The following CDH23 variants were observed in gnomAD, a reference collection of about 807,000 sequenced individuals.
CDH23 encodes the protein cadherin-23.
A neutral mutation model predicts 317.1 loss-of-function variants in CDH23; 189 were observed. The ratio of observed to expected loss-of-function variants is 0.60; its 90% CI spans 0.53 to 0.67. CDH23 has a LOEUF of 0.67. Ranked by LOEUF, CDH23 falls within the 30% of genes least tolerant of loss-of-function variation. The pLI, the probability that CDH23 is intolerant of heterozygous loss-of-function variation, is 0.00. For synonymous variants in CDH23, 1,839 were observed against 1,876.8 expected (o/e 0.98, Z 0.52); for missense variants, 4,401 against 4,592.4 (o/e 0.96, Z 1.20).
intron 60 of CDH23, among the ~76,000 whole-genome samples, chr10:71,809,305 A>C (rs534111615): frequency 4.0e-4 from 61 of 150,620 alleles, no homozygotes; most frequent in Non-Finnish European, 7.2e-4. Flanking sequence ...CAGCCTGCCA[A>C]GTAGCTGGGA....
chr10:71,416,293 G>A (rs148285384), intron 1 of CDH23, among the ~76,000 whole-genome samples: 8 of 152,254 alleles, frequency 5.3e-5, no homozygotes, highest in Middle Eastern at 6.8e-3. Context: ...CTGAAGTGCT[G>A]GGATTACAGG....
intron 21 of CDH23, 44 bp downstream of exon 21, chr10:71,694,303 C>A: frequency 6.9e-7 from 1 of 1,454,290 alleles, no homozygotes; most frequent in South Asian, 1.2e-5. Flanking sequence ...CCTCGCCGGC[C>A]AGGCTGCTGC....
chr10:71,522,096 T>A (rs111701318), intron 6 of CDH23, among the ~76,000 whole-genome samples: 33 of 151,036 alleles, frequency 2.2e-4, no homozygotes, highest in African/African-American at 6.6e-4. Flanking sequence ...TCCTAGAGTA[T>A]TTTTTCTGGT....
In CDH23 at chr10:71,798,388, C is replaced by T. The variant is rs1589427899; in HGVS notation, c.6864C>T (p.Asp2288=). The T allele has an allele frequency of 6.2e-7, 1 of 1,613,956 alleles. No homozygotes were observed. The highest frequency in any genetic ancestry group is 8.5e-7 in the Non-Finnish European group (1 of 1,179,840). The part of the protein sequence containing the change: ...KLTVNVLDVN[D]NTPQFKPFGI... ...CTGTCAACGTCCTGGACGTCAATGA[C>T]AATACGCCCCAGTTCAAGCCCTTTG... Residue 2288 remains aspartate, a synonymous_variant, in exon 50 of 70, where the codon GAC becomes GAT. Transcript: ENST00000224721.
intron 3 of CDH23, among the ~76,000 whole-genome samples, chr10:71,460,782 G>A (rs367708378): frequency 2.0e-5 from 3 of 152,332 alleles, no homozygotes; most frequent in African/African-American, 4.8e-5. Context: ...GCTCCTGAAT[G>A]TGGAGTTGGG....
At chr10:71,799,395 C>T (rs1019890986) in intron 51 of CDH23, 97 bp from the exon 52 acceptor site, 41 of 1,602,248 alleles carry the variant, frequency 2.6e-5, no homozygotes, top group Middle Eastern at 1.7e-4. Context: ...GCCCAGCCCA[C>T]GAGCAGCTTG....
At chr10:71,632,438 A>G (rs750622275) in intron 11 of CDH23, among the ~76,000 whole-genome samples, 10 of 152,206 alleles carry the variant, frequency 6.6e-5, no homozygotes, top group Admixed American at 1.3e-4. Flanking sequence ...AGGTTGATTA[A>G]TCTAGACACA....
At chr10:71,489,932 C>CT (rs971351286) in intron 3 of CDH23, among the ~76,000 whole-genome samples, 94 of 151,666 alleles carry the variant, frequency 6.2e-4, no homozygotes, top group African/African-American at 2.0e-3. Context: ...TCTTTTCTTT[C>CT]TTTTTTTTAA....
intron 2 of CDH23, 141 bp downstream of exon 2, chr10:71,440,039 T>C: frequency 2.9e-6 from 2 of 679,150 alleles, no homozygotes; most frequent in East Asian, 5.6e-5. Context: ...AGGCACATAC[T>C]TCCCTCTCTG....
intron 68 of CDH23, 137 bp from the exon 69 acceptor site, chr10:71,813,107 A>G: frequency 9.0e-7 from 1 of 1,112,496 alleles, no homozygotes; most frequent in Non-Finnish European, 1.3e-6. Context: ...CACTGTCTCC[A>G]GGCTCTGCCG....
rs542503040 is a variant in CDH23, at chr10:71,779,744, C to T, written c.5368+297C>T. 5.3e-5 allele frequency among the ~76,000 whole-genome samples: 8 copies of T among 152,288 alleles called. No homozygotes were observed. In the South Asian group the frequency reaches 1.7e-3, roughly 32 times the overall value. ...CCTGTTGCATACCCAGAGGAAGGGC[C>T]CCAGGGCAGACGAGGGAAGCACATC... On this transcript the variant is annotated intron_variant, in intron 41 of 69. Transcript: ENST00000224721.
Position 71,702,136 on chromosome 10 carries a change from G to A in CDH23, c.2512G>A (p.Ala838Thr), listed in dbSNP as rs755280494. Residue 838 changes from alanine to threonine, a missense_variant, in exon 23 of 70, where the codon GCC becomes ACC. This residue lies in a region of CDH23 where 3,068 missense variants were observed against 3,203.3 expected (regional missense o/e 0.96). Transcript: ENST00000224721. ...CACGGGCAAGATCCGCACCACCCAC[G>A]CCATGCTGGACCGGGAGAACCCCGA... ...STTGKIRTTH[A>T]MLDRENPDPH... 6.8e-6 allele frequency: 11 copies of A among 1,613,836 alleles called. No individual in the cohort carries two copies. The highest frequency in any genetic ancestry group is 5.3e-5 in the African/African-American group (4 of 74,924).
intron 3 of CDH23, among the ~76,000 whole-genome samples, chr10:71,462,450 G>T (rs1851044162): frequency 6.6e-6 from 1 of 152,220 alleles, no homozygotes; most frequent in Non-Finnish European, 1.5e-5. Flanking sequence ...GAAGAGTGGG[G>T]CTTCTGAAGC....
rs747317355 is a variant in CDH23 at position 71,665,030 on chromosome 10, TC to T, written c.1450-10081del. ...AGATCCTCATAAGTCATCAGATATC[TC>T]ATTTATTCTTTCATCTATTTAGCTG... On this transcript the variant is annotated intron_variant, in intron 14 of 69. Transcript: ENST00000224721. 1.1e-3 allele frequency among the ~76,000 whole-genome samples: 165 copies of T among 152,296 alleles called. 1 individual carries two copies. Among genetic ancestry groups the T allele is most frequent in the Non-Finnish European group, 1.9e-3 (129 of 68,038 alleles).
chr10:71,808,118 C>T, intron 60 of CDH23, 111 bp downstream of exon 60: 1 of 1,331,222 alleles, frequency 7.5e-7, no homozygotes, highest in Non-Finnish European at 1.0e-6. Flanking sequence ...ATATGGGTGG[C>T]CCCCCAGCCA....
intron 6 of CDH23, among the ~76,000 whole-genome samples, chr10:71,545,526 T>C (rs905873457): frequency 6.6e-6 from 1 of 152,228 alleles, no homozygotes; most frequent in African/African-American, 2.4e-5. Flanking sequence ...TGATAAGCTT[T>C]AGATGCCACA....
chr10:71,424,106 G>A (rs1211920271), intron 1 of CDH23, among the ~76,000 whole-genome samples: 5 of 152,266 alleles, frequency 3.3e-5, no homozygotes, highest in Non-Finnish European at 7.3e-5. Flanking sequence ...GTGTTCTCAA[G>A]TGTGCCGCCT....
intron 6 of CDH23, among the ~76,000 whole-genome samples, chr10:71,554,319 TC>T (rs1237326897): frequency 1.3e-5 from 2 of 151,218 alleles, no homozygotes; most frequent in African/African-American, 4.9e-5. Flanking sequence ...CATCTTAGAG[TC>T]CCAAGTAGCT....
intron 22 of CDH23, 72 bp downstream of exon 22, chr10:71,695,597 C>A: frequency 9.4e-7 from 1 of 1,059,046 alleles, no homozygotes; most frequent in Non-Finnish European, 1.5e-6. Flanking sequence ...CACTGCGATT[C>A]CAGGGGGCCT....
Sources: gnomAD v4.1 joint callset for allele counts (sites outside exome capture counted in the v4.1 genomes callset) on GRCh38, gnomAD v4.1.1 for gene constraint, gnomAD v4.1.1 regional missense constraint, MANE v1.5 for transcripts, NCBI Gene and HGNC (gene_info 2026-07-23, HGNC 2026-07-21) for gene names.